Variants in PDE10A observed in about 807,000 individuals in gnomAD.
PDE10A encodes the protein cAMP and cAMP-inhibited cGMP 3',5'-cyclic phosphodiesterase 10A.
In PDE10A, 39 loss-of-function variants were observed where a neutral mutation model predicts 97.7. The observed-to-expected ratio is 0.40, with a 90% confidence interval of 0.31 to 0.52. The LOEUF is 0.52. Ranked by LOEUF, PDE10A falls within the 20% of genes least tolerant of loss-of-function variation. PDE10A has a pLI of 0.56. For synonymous variants in PDE10A, 371 were observed against 376.8 expected (o/e 0.98, Z 0.18); for missense variants, 731 against 1,047.8 (o/e 0.70, Z 4.17).
At chr6:165,620,764 G>GGGGCAGGGGCTCACGCCT (rs1554296948) in intron 1 of PDE10A, among the ~76,000 whole-genome samples, 1 of 151,872 alleles carries the variant, frequency 6.6e-6, no homozygotes, top group Non-Finnish European at 1.5e-5. Context: ...GAGAAGGCTG[G>GGGGCAGGGGCTCACGCCT]GTAATCCCAA....
intron 1 of PDE10A, among the ~76,000 whole-genome samples, chr6:165,748,349 A>T (rs2128455114): frequency 6.6e-6 from 1 of 152,268 alleles, no homozygotes; most frequent in East Asian, 1.9e-4. Flanking sequence ...GTGCCAATTT[A>T]CCTAAGGCTT....
chr6:165,346,148 G>A (rs1392724048), intron 18 of PDE10A, among the ~76,000 whole-genome samples: 1 of 152,148 alleles, frequency 6.6e-6, no homozygotes, highest in Admixed American at 6.5e-5. Flanking sequence ...GGAGTGGCCT[G>A]ATACAGGTAT....
chr6:165,602,918 A>G (rs1213018015), intron 1 of PDE10A, among the ~76,000 whole-genome samples: 1 of 152,196 alleles, frequency 6.6e-6, no homozygotes, highest in Non-Finnish European at 1.5e-5. Flanking sequence ...TTATTGTTCT[A>G]TGCTAGACAG....
At chr6:165,350,542 G>C (rs1279514256) in intron 18 of PDE10A, among the ~76,000 whole-genome samples, 3 of 152,106 alleles carry the variant, frequency 2.0e-5, no homozygotes, top group Non-Finnish European at 4.4e-5. Context: ...AATTAGTTAA[G>C]AATTTGAGGG....
chr6:165,420,172 T>A (rs1788595458), intron 10 of PDE10A, among the ~76,000 whole-genome samples: 1 of 152,184 alleles, frequency 6.6e-6, no homozygotes, highest in African/African-American at 2.4e-5. Context: ...GCCAGCGAAA[T>A]TTTGTGGTCC....
intron 1 of PDE10A, among the ~76,000 whole-genome samples, chr6:165,562,538 T>A (rs1412394451): frequency 6.6e-6 from 1 of 152,016 alleles, no homozygotes; most frequent in Non-Finnish European, 1.5e-5. Flanking sequence ...GTTTGATTAT[T>A]TTTTTTTGTT....
intron 13 of PDE10A, among the ~76,000 whole-genome samples, chr6:165,405,967 C>A (rs561715246): frequency 6.6e-6 from 1 of 152,052 alleles, no homozygotes; most frequent in Non-Finnish European, 1.5e-5. Context: ...TCCATTAATT[C>A]TTAATCTGTA....
intron 17 of PDE10A, among the ~76,000 whole-genome samples, chr6:165,384,686 A>C (rs13202475): frequency 7.8e-6 from 1 of 127,850 alleles, no homozygotes; most frequent in Non-Finnish European, 1.7e-5. Flanking sequence ...GGGGGCGACT[A>C]AAGGTTAGCT....
intron 17 of PDE10A, among the ~76,000 whole-genome samples, chr6:165,382,974 T>C (rs988130189): frequency 6.6e-6 from 1 of 152,182 alleles, no homozygotes; most frequent in Non-Finnish European, 1.5e-5. Context: ...TTTGCTATAA[T>C]TGTAATATAC....
At chr6:165,705,881 A>AT (rs761670901) in intron 1 of PDE10A, among the ~76,000 whole-genome samples, 2 of 152,250 alleles carry the variant, frequency 1.3e-5, no homozygotes, top group Non-Finnish European at 2.9e-5. Context: ...GCTTTTAATA[A>AT]TAGCAGAAGT....
At chr6:165,792,357 C>T (rs1354814571) in intron 1 of PDE10A, among the ~76,000 whole-genome samples, 1 of 152,178 alleles carries the variant, frequency 6.6e-6, no homozygotes, top group Non-Finnish European at 1.5e-5. Context: ...CGGGAAGGAA[C>T]AAAGTTGATC....
rs1458930509 is a variant in PDE10A, at chr6:165,811,084, C to T, written c.-615+176445G>A. On this transcript the variant is annotated intron_variant, in intron 1 of 19. Transcript: ENST00000366882. ...ACTAAAAATACAAAAATTAGCTGGGCGTGGTCCACGTGCCTGTAGTCCCTG... is the reference window on the plus strand; with the variant it reads ...ACTAAAAATACAAAAATTAGCTGGGTGTGGTCCACGTGCCTGTAGTCCCTG... Among the ~76,000 whole-genome samples the T allele has an allele frequency of 5.3e-5, 8 of 152,034 alleles. No homozygotes were observed. The East Asian group carries it at 5.8e-4, about 11-fold the overall frequency.
rs368991208 is a variant in PDE10A at position 165,590,662 on chromosome 6, C to T, written c.866-47094G>A. Among the ~76,000 whole-genome samples the T allele has an allele frequency of 2.3e-4, 35 of 152,190 alleles. 1 individual carries two copies. Among genetic ancestry groups the T allele is most frequent in the African/African-American group, 7.0e-4 (29 of 41,512 alleles). ...ATCTCAGCCGTTTGCGAGGCCGAGGCGGGTGGATCACGAGATCAGCAGATC... is the reference window on the plus strand; with the variant it reads ...ATCTCAGCCGTTTGCGAGGCCGAGGTGGGTGGATCACGAGATCAGCAGATC... On this transcript the variant is annotated intron_variant, in intron 1 of 21. Transcript: ENST00000539869.
intron 1 of PDE10A, among the ~76,000 whole-genome samples, chr6:165,544,058 A>G (rs1209276912): frequency 1.1e-4 from 16 of 152,208 alleles, no homozygotes; most frequent in Non-Finnish European, 1.5e-5. Flanking sequence ...TTTTCGGTAT[A>G]TAGTTACCAC....
chr6:165,831,139 C>T (rs573653170), intron 1 of PDE10A, among the ~76,000 whole-genome samples: 1 of 152,060 alleles, frequency 6.6e-6, no homozygotes, highest in African/African-American at 2.4e-5. Flanking sequence ...AATCCCAGCA[C>T]TTTGGGAGGC....
intron 1 of PDE10A, among the ~76,000 whole-genome samples, chr6:165,980,767 T>G (rs1240731736): frequency 1.3e-5 from 2 of 152,206 alleles, no homozygotes; most frequent in African/African-American, 4.8e-5. Flanking sequence ...TATACTTGCA[T>G]GTATCTATAT....
chr6:165,664,668 T>C (rs928559281), upstream of PDE10A, among the ~76,000 whole-genome samples: 3 of 152,210 alleles, frequency 2.0e-5, no homozygotes, highest in Non-Finnish European at 4.4e-5. Flanking sequence ...GGCTTGACGC[T>C]TCTCCAGCCG....
chr6:165,486,571 A>G (rs766380996), intron 2 of PDE10A, among the ~76,000 whole-genome samples: 1 of 152,218 alleles, frequency 6.6e-6, no homozygotes, highest in Non-Finnish European at 1.5e-5. Context: ...ACCACATTAA[A>G]GTACGTGCCC....
intron 1 of PDE10A, among the ~76,000 whole-genome samples, chr6:165,620,440 A>G (rs1562636233): frequency 6.6e-6 from 1 of 152,226 alleles, no homozygotes; most frequent in South Asian, 2.1e-4. Flanking sequence ...GAGAGGCTAC[A>G]AAGCATACCA....
Sources: gnomAD v4.1 joint callset for allele counts (sites outside exome capture counted in the v4.1 genomes callset) on GRCh38, gnomAD v4.1.1 for gene constraint, MANE v1.5 for transcripts, NCBI Gene and HGNC (gene_info 2026-07-23, HGNC 2026-07-21) for gene names.